Variants in PHEX observed in about 807,000 individuals in gnomAD.
PHEX encodes the protein phosphate-regulating neutral endopeptidase PHEX.
In PHEX, 16 loss-of-function variants were observed where a neutral mutation model predicts 68.0. The ratio of observed to expected loss-of-function variants is 0.24; its 90% confidence interval spans 0.16 to 0.36. The LOEUF is 0.36. Ranked by LOEUF, PHEX falls within the 10% of genes least tolerant of loss-of-function variation. PHEX has a pLI of 1.00. For synonymous variants in PHEX, 208 were observed against 205.1 expected (o/e 1.01, Z -0.12); for missense variants, 480 against 575.5 (o/e 0.83, Z 1.70).
intron 2 of PHEX, among the ~76,000 whole-genome samples, chrX:22,042,103 G>A (rs1927316058): frequency 9.0e-6 from 1 of 111,482 alleles, no homozygotes; most frequent in Admixed American, 9.6e-5. Flanking sequence ...CCAAGCCAGG[G>A]CCTTAAACAA....
intron 12 of PHEX, among the ~76,000 whole-genome samples, chrX:22,153,456 C>T (rs1932890749): frequency 8.9e-6 from 1 of 112,001 alleles, no homozygotes; most frequent in Non-Finnish European, 1.9e-5. Context: ...ATAGTAAATG[C>T]GAACGGCAGG....
intron 2 of PHEX, among the ~76,000 whole-genome samples, chrX:22,042,472 C>T (rs188282714): frequency 1.4e-4 from 16 of 112,067 alleles, no homozygotes; most frequent in African/African-American, 3.9e-4. Flanking sequence ...TTTACTTATA[C>T]TAGTCGTGAG....
chrX:22,185,481 G>A lies in PHEX; in HGVS notation c.1587-4963G>A, dbSNP rs1219191468. ...GGTGTAAACAACAGGGAGTGGTAGG[G>A]ACTGTAGAAAACTAGTAATTACACA... is the stretch of plus-strand genomic sequence containing the variant. On this transcript the variant is annotated intron_variant, in intron 14 of 21. Transcript: ENST00000379374. Among the ~76,000 whole-genome samples the A allele has an allele frequency of 5.4e-5, 6 of 111,681 alleles. No homozygotes were observed. In the East Asian group the frequency reaches 1.7e-3, roughly 31 times the overall value.
chrX:22,136,686 C>T (rs1602327418), intron 12 of PHEX, among the ~76,000 whole-genome samples: 1 of 111,999 alleles, frequency 8.9e-6, no homozygotes, highest in Non-Finnish European at 1.9e-5. Context: ...CTGCAGTGTT[C>T]TGAGGCCTAA....
At chrX:22,244,468 G>A (rs757066742) in intron 20 of PHEX, among the ~76,000 whole-genome samples, 105 of 110,809 alleles carry the variant, frequency 9.5e-4, no homozygotes, top group African/African-American at 3.1e-3. Context: ...TGGGCGTGGC[G>A]GTGTGCACCT....
chrX:22,176,643 A>G (rs1453262422), intron 13 of PHEX, among the ~76,000 whole-genome samples: 3 of 110,064 alleles, frequency 2.7e-5, no homozygotes, highest in Non-Finnish European at 3.8e-5. Flanking sequence ...CCATCTCTGC[A>G]TATAAACACT....
intron 12 of PHEX, among the ~76,000 whole-genome samples, chrX:22,153,173 A>G (rs1932885994): frequency 9.0e-6 from 1 of 110,521 alleles, no homozygotes; most frequent in South Asian, 3.9e-4. Flanking sequence ...TTTTTTTGTA[A>G]AGATGGTGTC....
chrX:22,091,811 G>A (rs910301214), intron 6 of PHEX, among the ~76,000 whole-genome samples: 2 of 112,156 alleles, frequency 1.8e-5, no homozygotes, highest in Non-Finnish European at 3.8e-5. Flanking sequence ...ACAGTTCCAT[G>A]TGGCTGGGGA....
chrX:22,099,278 C>T (rs1228066226), intron 9 of PHEX, 127 bp downstream of exon 9: 2 of 653,479 alleles, frequency 3.1e-6, no homozygotes, highest in African/African-American at 4.3e-5. Context: ...TAGGGAAAAT[C>T]CCGGTGTCCT....
In PHEX at chrX:22,178,277, A is replaced by G. The variant is rs2147128065; in HGVS notation, c.1487A>G (p.Lys496Arg). Residue 496 changes from lysine (K) to arginine (R), a missense_variant, in exon 14 of 22, where the codon AAG becomes AGG. Coordinates refer to ENST00000379374, the MANE Select transcript of PHEX (RefSeq NM_000444.6). Reference protein sequence around the residue: ...THVNEDLKAIKFSEADYFGNV... With the variant: ...THVNEDLKAIRFSEADYFGNV... ...GTTGTGGTTTGTTTTATTCAGATCAAGTTTTCAGAAGCCGACTACTTTGGC... is the reference window on the plus strand; with the variant it reads ...GTTGTGGTTTGTTTTATTCAGATCAGGTTTTCAGAAGCCGACTACTTTGGC... 1.7e-6 allele frequency: 2 copies of G among 1,173,201 alleles called. No homozygotes were observed. The highest frequency in any genetic ancestry group is 3.5e-5 in the African/African-American group (2 of 57,085).
At chrX:22,044,749 TAAA>T (rs57957585) in intron 2 of PHEX, among the ~76,000 whole-genome samples, 37,747 of 109,422 alleles carry the variant, frequency 0.34, 4,957 homozygotes, top group Middle Eastern at 0.39. Context: ...TAATAAAAAA[TAAA>T]AAAGTAGCAG....
At chrX:22,186,362 A>C (rs1228815862) in intron 14 of PHEX, among the ~76,000 whole-genome samples, 1 of 112,292 alleles carries the variant, frequency 8.9e-6, no homozygotes, top group Non-Finnish European at 1.9e-5. Context: ...TATTCTTTAG[A>C]AGTGAGTCAC....
intron 14 of PHEX, among the ~76,000 whole-genome samples, chrX:22,187,048 G>T (rs779384081): frequency 1.6e-4 from 18 of 111,932 alleles, no homozygotes; most frequent in Non-Finnish European, 3.0e-4. Context: ...TTTGGATAGT[G>T]CATTAGTTTC....
intron 12 of PHEX, among the ~76,000 whole-genome samples, chrX:22,160,482 G>C (rs1458411021): frequency 1.8e-5 from 2 of 108,769 alleles, no homozygotes; most frequent in Admixed American, 2.0e-4. Context: ...CCAGGAGGTG[G>C]AGGTTGCAGT....
At chrX:22,050,066 A>C (rs1347611278) in intron 3 of PHEX, among the ~76,000 whole-genome samples, 2 of 112,128 alleles carry the variant, frequency 1.8e-5, no homozygotes, top group Non-Finnish European at 3.8e-5. Context: ...CTGCTTTTGC[A>C]CTCCAATGGT....
chrX:22,041,716 G>T (rs1468056564), intron 2 of PHEX, among the ~76,000 whole-genome samples: 2 of 110,464 alleles, frequency 1.8e-5, no homozygotes, highest in Non-Finnish European at 3.8e-5. Context: ...CTGTGGTGGG[G>T]TTCTTGCAGA....
intron 12 of PHEX, among the ~76,000 whole-genome samples, chrX:22,150,713 C>T (rs750320614): frequency 1.8e-5 from 2 of 112,169 alleles, no homozygotes; most frequent in Non-Finnish European, 3.8e-5. Context: ...TGCTTCTTCC[C>T]TGTTTTGTTG....
intron 12 of PHEX, among the ~76,000 whole-genome samples, chrX:22,149,486 C>T (rs182578070): frequency 4.4e-5 from 5 of 112,815 alleles, no homozygotes; most frequent in Non-Finnish European, 9.4e-5. Context: ...TGGCTCATGC[C>T]TGTAATCCTG....
chrX:22,062,646 T>G (rs7060995), intron 3 of PHEX, among the ~76,000 whole-genome samples: 6,268 of 111,420 alleles, frequency 0.056, 435 homozygotes, highest in African/African-American at 0.19. Flanking sequence ...TCTCAACCCT[T>G]GCTGTGCAGT....
Sources: gnomAD v4.1 joint callset for allele counts (sites outside exome capture counted in the v4.1 genomes callset) on GRCh38, gnomAD v4.1.1 for gene constraint, MANE v1.5 for transcripts, NCBI Gene and HGNC (gene_info 2026-07-23, HGNC 2026-07-21) for gene names.